The following SDK1 variants were observed in gnomAD, a reference collection of about 807,000 sequenced individuals.
SDK1 encodes the protein sidekick cell adhesion molecule 1.
Under a neutral mutation model 245.5 loss-of-function variants are expected in SDK1, and 157 were observed. The observed-to-expected ratio is 0.64, with a 90% CI of 0.56 to 0.73. The LOEUF is 0.73. Among genes scored for constraint, SDK1 ranks in the 30% least tolerant of loss-of-function variants. SDK1 has a pLI of 0.00. For synonymous variants in SDK1, 1,647 were observed against 1,278.5 expected, an observed-to-expected ratio of 1.29 and a Z score of -6.15; for missense variants, 3,583 against 3,002.3, an observed-to-expected ratio of 1.19 and a Z score of -4.52.
rs1026382147 is a variant in SDK1, at chr7:4,132,283, A to G, written c.4130-42A>G. 2.0e-6 allele frequency: 3 copies of G among 1,502,004 alleles called. No individual in the cohort carries two copies. The East Asian group carries it at 7.0e-5, about 35-fold the overall frequency. The allele number at this position is 1,502,004 out of a possible 1,614,324, so 93.0% of individuals were successfully genotyped here. A position where few individuals can be genotyped will look rare whatever the true frequency, so the allele number is the denominator to read the frequency against. On this transcript the variant is annotated intron_variant, in intron 27 of 44. Coordinates refer to ENST00000404826, the MANE Select transcript of SDK1 (RefSeq NM_152744.4). ...GTGTAACCTGTCACGCACCCAAGGA[A>G]CACTGTCTTGAGATCTGAATCCCTG...
chr7:4,025,252 G>C (rs1057439672), intron 17 of SDK1, among the ~76,000 whole-genome samples: 1 of 152,238 alleles, frequency 6.6e-6, no homozygotes, highest in Non-Finnish European at 1.5e-5. Flanking sequence ...TGGTTTGACT[G>C]ATTCTTGCCT....
chr7:3,701,883 C>G (rs891456902), intron 4 of SDK1, among the ~76,000 whole-genome samples: 1 of 127,220 alleles, frequency 7.9e-6, no homozygotes, highest in Admixed American at 9.3e-5. Flanking sequence ...GAAGAATAGT[C>G]TTTTCAACAA....
At chr7:4,211,640 T>C (rs1419120771) in intron 38 of SDK1, among the ~76,000 whole-genome samples, 1 of 152,128 alleles carries the variant, frequency 6.6e-6, no homozygotes, top group African/African-American at 2.4e-5. Context: ...GACGGAGTCT[T>C]GCTCTGTCTC....
At chr7:3,337,926 G>A (rs560774287) in intron 1 of SDK1, 3 of 152,244 alleles carry the variant, frequency 2.0e-5, no homozygotes, top group Admixed American at 2.0e-4. Context: ...AAAACATAAG[G>A]CTCTGAATTT....
chr7:3,859,176 G>C (rs1017411267), intron 5 of SDK1, among the ~76,000 whole-genome samples: 1 of 151,978 alleles, frequency 6.6e-6, no homozygotes, highest in Non-Finnish European at 1.5e-5. Context: ...TTTTTCTTTT[G>C]CTCAAGATTT....
At chr7:3,649,184 A>C (rs1480048621) in intron 4 of SDK1, among the ~76,000 whole-genome samples, 1 of 152,154 alleles carries the variant, frequency 6.6e-6, no homozygotes, top group Admixed American at 6.5e-5. Flanking sequence ...TGCCACGCTG[A>C]GAAGACATGG....
At chr7:3,341,902 A>AT (rs1780358112) in intron 1 of SDK1, among the ~76,000 whole-genome samples, 1 of 152,172 alleles carries the variant, frequency 6.6e-6, no homozygotes, top group Admixed American at 6.5e-5. Context: ...CCCAGCAAAG[A>AT]TTTTTGGTAG....
chr7:3,721,712 G>T (rs536817559), intron 4 of SDK1, among the ~76,000 whole-genome samples: 1 of 152,244 alleles, frequency 6.6e-6, no homozygotes, highest in South Asian at 2.1e-4. Flanking sequence ...GAGGAATAAT[G>T]ATCTGTTCCC....
At position 3,327,655 on chromosome 7, in the gene SDK1, T is replaced by TA. The variant is rs552117043; in HGVS notation, c.298+25781dup. Among the ~76,000 whole-genome samples the TA allele has an allele frequency of 1.1e-4, 16 of 149,090 alleles. No homozygotes were observed. The South Asian group carries it at 1.5e-3, about 14-fold the overall frequency. On this transcript the variant is annotated intron_variant, in intron 1 of 44. Transcript: ENST00000404826. The stretch of plus-strand genomic sequence containing the variant: ...GAATCCCATATCTGTAGTTCCAAAA[T>TA]AAAAAAAAAATCCTGACAGCAGAAT...
Position 4,130,063 on chromosome 7 carries a change from C to G in SDK1, c.4095C>G (p.Ser1365Arg). 6.2e-7 allele frequency: 1 copy of G among 1,611,228 alleles called. No individual in the cohort carries two copies. The highest frequency in any genetic ancestry group is 8.5e-7 in the Non-Finnish European group (1 of 1,178,450). The change falls in exon 27 of 45, where the codon AGC becomes AGG. Residue 1365 changes from serine to arginine, a missense_variant. Physicochemically the swap from Ser to Arg is moderately radical, Grantham distance 110. Transcript: ENST00000404826. ...AFTRIGNGVPSTPLILERTKD... is the reference protein window; with the variant it reads ...AFTRIGNGVPRTPLILERTKD... ...CCCGCATCGGGAACGGGGTCCCCAGCACGCCCCTCATCCTGGAGCGCACCA... is the reference window on the plus strand; with the variant it reads ...CCCGCATCGGGAACGGGGTCCCCAGGACGCCCCTCATCCTGGAGCGCACCA...
At chr7:3,344,927 A>G (rs1158827769) in intron 1 of SDK1, among the ~76,000 whole-genome samples, 1 of 152,226 alleles carries the variant, frequency 6.6e-6, no homozygotes. Flanking sequence ...TTCCAGGTCC[A>G]CACAAGCACA....
At chr7:3,522,726 G>A (rs1033777911) in intron 1 of SDK1, among the ~76,000 whole-genome samples, 5 of 152,006 alleles carry the variant, frequency 3.3e-5, no homozygotes, top group African/African-American at 1.2e-4. Context: ...ATCTGCAGAG[G>A]TGCTATCCTA....
intron 1 of SDK1, among the ~76,000 whole-genome samples, chr7:3,434,681 G>C (rs985499104): frequency 6.6e-6 from 1 of 152,164 alleles, no homozygotes; most frequent in Non-Finnish European, 1.5e-5. Flanking sequence ...GAGTGTGGAT[G>C]GTTTTAACCA....
chr7:4,196,734 C>G (rs957106812), intron 35 of SDK1, among the ~76,000 whole-genome samples: 1 of 152,196 alleles, frequency 6.6e-6, no homozygotes. Context: ...CTGCTCTAGA[C>G]CATGCACCAC....
chr7:3,410,225 G>T (rs1001984453), intron 1 of SDK1, among the ~76,000 whole-genome samples: 3 of 152,040 alleles, frequency 2.0e-5, no homozygotes, highest in African/African-American at 7.3e-5. Flanking sequence ...CCTCAAAGTG[G>T]AAAATTCTAC....
intron 1 of SDK1, among the ~76,000 whole-genome samples, chr7:3,373,343 C>T (rs1781273489): frequency 6.6e-6 from 1 of 152,102 alleles, no homozygotes; most frequent in Non-Finnish European, 1.5e-5. Flanking sequence ...GGTCCCATTG[C>T]AAAGTTGAAA....
intron 19 of SDK1, among the ~76,000 whole-genome samples, chr7:4,054,105 A>AT (rs144024782): frequency 0.055 from 8,325 of 151,780 alleles, 487 homozygotes; most frequent in African/African-American, 0.14. Flanking sequence ...CGTCTGGCCA[A>AT]TTTTTTTGTA....
intron 4 of SDK1, among the ~76,000 whole-genome samples, chr7:3,717,968 A>G (rs918968054): frequency 2.0e-5 from 3 of 152,222 alleles, no homozygotes; most frequent in African/African-American, 7.2e-5. Context: ...TTAAAAAAAA[A>G]AAAAACTGTA....
intron 5 of SDK1, among the ~76,000 whole-genome samples, chr7:3,838,077 C>T (rs1236294005): frequency 6.6e-6 from 1 of 152,228 alleles, no homozygotes; most frequent in Non-Finnish European, 1.5e-5. Flanking sequence ...CTGGGAGACA[C>T]TCCCTTAGCA....
Sources: gnomAD v4.1 joint callset for allele counts (sites outside exome capture counted in the v4.1 genomes callset) on GRCh38, gnomAD v4.1.1 for gene constraint, MANE v1.5 for transcripts, NCBI Gene and HGNC (gene_info 2026-07-23, HGNC 2026-07-21) for gene names.